The following HSD17B11 variants were observed in gnomAD, a reference collection of about 807,000 sequenced individuals.
HSD17B11 encodes the protein hydroxysteroid 17-beta dehydrogenase 11, also known as estradiol 17-beta-dehydrogenase 11.
A neutral mutation model predicts 27.8 loss-of-function variants in HSD17B11; 22 were observed. The ratio of observed to expected loss-of-function variants is 0.79; its 90% CI spans 0.56 to 1.13. The LOEUF is 1.13. Among genes scored for constraint, HSD17B11 ranks in the 50% most tolerant of loss-of-function variants. HSD17B11 has a pLI of 0.00. For synonymous variants in HSD17B11, 117 were observed against 132.8 expected, an observed-to-expected ratio of 0.88 and a Z score of 0.82; for missense variants, 314 against 351.1, an observed-to-expected ratio of 0.89 and a Z score of 0.84.
intron 6 of HSD17B11, among the ~76,000 whole-genome samples, chr4:87,338,822 C>A (rs1281307692): frequency 1.3e-5 from 2 of 152,208 alleles, no homozygotes; most frequent in Non-Finnish European, 2.9e-5. Flanking sequence ...CAGGCGTGAG[C>A]CACCGTGCCC....
rs34342374 is a variant in HSD17B11 at position 87,364,270 on chromosome 4, GA to G, written c.558-6855del. ...GGCAGCACCACAGATCCAGTTTTGG[GA>G]AAAAAAAAAAAAAAAGAAAAAAAAC... On this transcript the variant is annotated intron_variant, in intron 4 of 6. Transcript: ENST00000358290. Among the ~76,000 whole-genome samples, 393 of 121,384 alleles carry G rather than the reference GA, an allele frequency of 3.2e-3. 1 individual carries two copies. The highest frequency in any genetic ancestry group is 5.9e-3 in the African/African-American group (197 of 33,534). 79.6% of individuals were successfully genotyped at this position (121,384 alleles called of 152,430 possible).
intron 4 of HSD17B11, among the ~76,000 whole-genome samples, chr4:87,358,281 A>G (rs1354132171): frequency 6.6e-6 from 1 of 152,026 alleles, no homozygotes; most frequent in African/African-American, 2.4e-5. Flanking sequence ...TTTTTAAAAC[A>G]TCTGTTTCCC....
At chr4:87,384,266 A>G (rs1290922874) in intron 1 of HSD17B11, among the ~76,000 whole-genome samples, 1 of 152,222 alleles carries the variant, frequency 6.6e-6, no homozygotes, top group Non-Finnish European at 1.5e-5. Context: ...TTATCTTCAT[A>G]AGCTGAGGAT....
chr4:87,337,037 G>T lies in HSD17B11; in HGVS notation c.*239C>A. 2.5e-6 allele frequency: 1 copy of T among 394,862 alleles called. No individual in the cohort carries two copies. Among genetic ancestry groups the T allele is most frequent in the Non-Finnish European group, 4.4e-6 (1 of 224,934 alleles). 24.5% of individuals were successfully genotyped at this position (394,862 alleles called of 1,614,324 possible). A position where few individuals can be genotyped will look rare whatever the true frequency, so the allele number is the denominator to read the frequency against. On this transcript the variant is annotated 3_prime_UTR_variant, in exon 7 of 7. Coordinates refer to ENST00000358290, the MANE Select transcript of HSD17B11 (RefSeq NM_016245.5). ...GAAATTATTTTAATAAAGTCATTTT[G>T]GTTCTTTTTCTTCATTTTCCTTAAA...
intron 1 of HSD17B11, among the ~76,000 whole-genome samples, chr4:87,389,732 G>A (rs111643924): frequency 1.3e-5 from 2 of 152,140 alleles, no homozygotes; most frequent in Non-Finnish European, 2.9e-5. Flanking sequence ...CAACTAGTGT[G>A]TAATGGATAA....
intron 5 of HSD17B11, among the ~76,000 whole-genome samples, chr4:87,344,882 C>T (rs1391492096): frequency 6.6e-6 from 1 of 152,100 alleles, no homozygotes; most frequent in African/African-American, 2.4e-5. Context: ...TTAAACAGTA[C>T]CCCTAAATAA....
rs752592991 is a variant in HSD17B11 at position 87,368,099 on chromosome 4, C to T, written c.557+4610G>A. ...TTGGGGGGCCGAGGCGGGTGGATCA[C>T]AAGGTCAGGAGATCAAGACCATCCT... is the stretch of plus-strand genomic sequence containing the variant. On this transcript the variant is annotated intron_variant, in intron 4 of 6. Transcript: ENST00000358290. Among the ~76,000 whole-genome samples, 57 of 152,132 alleles carry T rather than the reference C, an allele frequency of 3.7e-4. No homozygotes were observed. The East Asian group carries it at 4.1e-3, about 11-fold the overall frequency.
intron 4 of HSD17B11, among the ~76,000 whole-genome samples, chr4:87,365,409 G>A (rs1735596886): frequency 6.6e-6 from 1 of 152,146 alleles, no homozygotes. Flanking sequence ...TAGACATTTG[G>A]TCTAAATTAA....
chr4:87,390,913 GCAGT>G lies in HSD17B11; in HGVS notation c.154_157del (p.Thr52ProfsTer16). The G allele has an allele frequency of 6.2e-7, 1 of 1,614,104 alleles. No individual in the cohort carries two copies. The highest frequency in any genetic ancestry group is 8.5e-7 in the Non-Finnish European group (1 of 1,180,016). Reference sequence around the variant, plus strand: ...GCTTTTAAGTTTAGCAAATTCATAGGCAGTCAGTCTCCCAATTCCATGCCCAGCT... The same window carrying G: ...GCTTTTAAGTTTAGCAAATTCATAGGCAGTCTCCCAATTCCATGCCCAGCT... On this transcript the variant is annotated frameshift_variant, in exon 1 of 7. Coordinates refer to ENST00000358290, the MANE Select transcript of HSD17B11 (RefSeq NM_016245.5). LOFTEE classifies it high-confidence loss of function.
At chr4:87,344,729 A>G (rs1735237815) in intron 5 of HSD17B11, among the ~76,000 whole-genome samples, 1 of 152,250 alleles carries the variant, frequency 6.6e-6, no homozygotes, top group Non-Finnish European at 1.5e-5. Flanking sequence ...ATTTTCTCCC[A>G]GGTAGACCAT....
chr4:87,380,654 C>G (rs62319109), intron 2 of HSD17B11, among the ~76,000 whole-genome samples: 54,640 of 149,128 alleles, frequency 0.37, 11,303 homozygotes, highest in African/African-American at 0.56. Flanking sequence ...TCAGGAGATA[C>G]AGACCATCCT....
At chr4:87,344,986 T>A (rs989827046) in intron 5 of HSD17B11, among the ~76,000 whole-genome samples, 1 of 151,968 alleles carries the variant, frequency 6.6e-6, no homozygotes, top group Admixed American at 6.6e-5. Flanking sequence ...TGGGATGAGG[T>A]GAGCATAGTG....
chr4:87,364,897 G>A (rs1560764059), intron 4 of HSD17B11, among the ~76,000 whole-genome samples: 1 of 152,186 alleles, frequency 6.6e-6, no homozygotes, highest in African/African-American at 2.4e-5. Context: ...GGTGGGGCGA[G>A]GTGGCTCATG....
intron 1 of HSD17B11, among the ~76,000 whole-genome samples, chr4:87,385,619 AAAGTAT>A (rs1720294313): frequency 6.6e-6 from 1 of 152,176 alleles, no homozygotes; most frequent in African/African-American, 2.4e-5. Flanking sequence ...AAGTTTTTTA[AAAGTAT>A]ATTGTATTGG....
intron 2 of HSD17B11, among the ~76,000 whole-genome samples, chr4:87,377,542 A>G (rs1381590195): frequency 6.6e-6 from 1 of 152,214 alleles, no homozygotes; most frequent in Non-Finnish European, 1.5e-5. Context: ...CTAGAATATA[A>G]TCAATAACTA....
intron 5 of HSD17B11, among the ~76,000 whole-genome samples, chr4:87,354,105 T>C (rs941094259): frequency 7.9e-5 from 12 of 152,218 alleles, no homozygotes; most frequent in African/African-American, 2.7e-4. Flanking sequence ...AAATAGATTT[T>C]AAAGACTGTT....
chr4:87,382,215 C>G, intron 2 of HSD17B11, 40 bp downstream of exon 2: 9 of 1,451,454 alleles, frequency 6.2e-6, no homozygotes, highest in Non-Finnish European at 8.7e-6. Flanking sequence ...CACCTCCTAG[C>G]TCTAACATGA....
At chr4:87,361,906 A>C (rs533734135) in intron 4 of HSD17B11, among the ~76,000 whole-genome samples, 13 of 152,314 alleles carry the variant, frequency 8.5e-5, no homozygotes, top group African/African-American at 3.1e-4. Context: ...CGAAGGGACT[A>C]AAGTGCAGAA....
intron 5 of HSD17B11, among the ~76,000 whole-genome samples, chr4:87,346,720 T>C (rs1735276959): frequency 6.6e-6 from 1 of 152,106 alleles, no homozygotes; most frequent in Non-Finnish European, 1.5e-5. Context: ...CATATTAATA[T>C]AACATGGAAG....
Sources: allele counts gnomAD v4.1 joint callset (sites outside exome capture counted in the v4.1 genomes callset), GRCh38; gene constraint gnomAD v4.1.1; transcripts MANE v1.5; gene names NCBI Gene and HGNC (gene_info 2026-07-23, HGNC 2026-07-21).